PLPPR4: variants seen among roughly 807,000 people sequenced by gnomAD.
PLPPR4 encodes phospholipid phosphatase related 4.
Under a neutral mutation model 56.6 loss-of-function variants are expected in PLPPR4, and 24 were observed. The ratio of observed to expected loss-of-function variants is 0.42; its 90% CI spans 0.31 to 0.60. The LOEUF (loss-of-function observed/expected upper bound fraction) is 0.60. PLPPR4 is among the 20% of genes least tolerant of loss of function. PLPPR4 has a pLI of 0.13. For missense variants in PLPPR4, 654 were observed against 885.8 expected (o/e 0.74, Z 3.32); for synonymous variants, 326 against 328.1 (o/e 0.99, Z 0.07).
At chr1:99,284,780 A>C (rs1328891403) in intron 1 of PLPPR4, among the ~76,000 whole-genome samples, 2 of 152,194 alleles carry the variant, frequency 1.3e-5, no homozygotes, top group Non-Finnish European at 2.9e-5. Context: ...TTCATATGTT[A>C]ATGTGGCATA....
intron 4 of PLPPR4, among the ~76,000 whole-genome samples, chr1:99,300,708 C>G (rs139525998): frequency 5.5e-4 from 83 of 152,174 alleles, no homozygotes; most frequent in African/African-American, 1.9e-3. Context: ...TACATCACTA[C>G]TATTTGTTAA....
At chr1:99,278,745 T>C (rs937716602) in intron 1 of PLPPR4, among the ~76,000 whole-genome samples, 5 of 152,206 alleles carry the variant, frequency 3.3e-5, no homozygotes, top group Non-Finnish European at 7.3e-5. Flanking sequence ...CCACTTATCA[T>C]TATTTTTGAC....
At chr1:99,288,273 C>A in intron 2 of PLPPR4, 123 bp downstream of exon 2, 5 of 787,164 alleles carry the variant, frequency 6.4e-6, no homozygotes, top group South Asian at 2.0e-5. Flanking sequence ...AAAGTCATGT[C>A]TTTGAGATAT....
upstream of PLPPR4, among the ~76,000 whole-genome samples, chr1:99,262,971 G>A (rs1345740933): frequency 1.3e-5 from 2 of 152,168 alleles, no homozygotes; most frequent in Non-Finnish European, 2.9e-5. Flanking sequence ...TGTGTGGTGG[G>A]GGGTGAGGGC....
chr1:99,298,862 G>T, intron 3 of PLPPR4, 173 bp from the exon 4 acceptor site: 1 of 674,902 alleles, frequency 1.5e-6, no homozygotes, highest in East Asian at 2.7e-5. Context: ...CTTTATTTTG[G>T]ACTTAAGTAT....
intron 6 of PLPPR4, among the ~76,000 whole-genome samples, chr1:99,304,844 T>G (rs903217747): frequency 1.1e-4 from 17 of 152,118 alleles, no homozygotes; most frequent in Non-Finnish European, 2.4e-4. Flanking sequence ...ACCAAGTATC[T>G]CAAAAACTGA....
intron 6 of PLPPR4, among the ~76,000 whole-genome samples, chr1:99,302,443 A>C (rs1174423403): frequency 2.0e-5 from 3 of 152,050 alleles, no homozygotes; most frequent in Non-Finnish European, 2.9e-5. Context: ...CATTTATTCA[A>C]TATCTATTCC....
intron 1 of PLPPR4, among the ~76,000 whole-genome samples, chr1:99,274,051 C>A (rs1350699052): frequency 6.6e-6 from 1 of 151,944 alleles, no homozygotes; most frequent in Non-Finnish European, 1.5e-5. Flanking sequence ...ATCACTGAAG[C>A]AAAGAACTTT....
chr1:99,308,790 TC>T lies in PLPPR4; in HGVS notation c.*1782del, dbSNP rs961585329. 2.0e-4 allele frequency: 31 copies of T among 152,720 alleles called. No homozygotes were observed. Among genetic ancestry groups the T allele is most frequent in the African/African-American group, 7.5e-4 (31 of 41,556 alleles). The allele number at this position is 152,720 out of a possible 1,614,324, so 9.5% of individuals were successfully genotyped here. A position where few individuals can be genotyped will look rare whatever the true frequency, so the allele number is the denominator to read the frequency against. Reference sequence around the variant, plus strand: ...CTCAACCATATCCCTTCTGGCAATTTCCTTCTCAGAGAGGGGAGTGGGAATA... The same window carrying T: ...CTCAACCATATCCCTTCTGGCAATTTCTTCTCAGAGAGGGGAGTGGGAATA... On this transcript the variant is annotated 3_prime_UTR_variant, in exon 7 of 7. Coordinates refer to ENST00000370185, the MANE Select transcript of PLPPR4 (RefSeq NM_014839.5).
intron 2 of PLPPR4, among the ~76,000 whole-genome samples, 198 bp downstream of exon 2, chr1:99,288,348 G>C (rs1659525823): frequency 6.6e-6 from 1 of 152,138 alleles, no homozygotes; most frequent in Non-Finnish European, 1.5e-5. Flanking sequence ...AACATTTTAT[G>C]ATTGGAGAAA....
In PLPPR4 at chr1:99,306,632, C is replaced by A; in HGVS notation, c.1770C>A (p.Ser590=). Reference sequence around the variant, plus strand: ...ACAGGCCCATCATACAGATCCCGTCCACTGAAGGTGAAGGCAGTGGCTCCT... The same window carrying A: ...ACAGGCCCATCATACAGATCCCGTCAACTGAAGGTGAAGGCAGTGGCTCCT... ...ENNRPIIQIP[S]TEGEGSGSWK... The change falls in exon 7 of 7, where the codon TCC becomes TCA. Residue 590 remains serine (S), a synonymous_variant. Transcript: ENST00000370185. This position sits in a 1 kb window ranked among gnomAD's most constrained non-coding sequence, Gnocchi z 4.0. 3 of 1,614,128 alleles carry A rather than the reference C, an allele frequency of 1.9e-6. No homozygotes were observed. The South Asian group carries it at 3.3e-5, about 18-fold the overall frequency.
intron 1 of PLPPR4, among the ~76,000 whole-genome samples, chr1:99,267,251 T>C (rs1209383483): frequency 6.6e-6 from 1 of 152,214 alleles, no homozygotes; most frequent in Admixed American, 6.5e-5. Context: ...ATGATAGGTA[T>C]GAGATGTGAA....
Position 99,287,957 on chromosome 1 carries a change from A to C in PLPPR4, c.79-8A>C, listed in dbSNP as rs1266324551. 1.9e-6 allele frequency: 3 copies of C among 1,610,352 alleles called. No homozygotes were observed. In the African/African-American group the frequency reaches 4.0e-5, roughly 22 times the overall value. ...AATAAATTGATCTTCTTTGTCCTTC[A>C]TTCTTAGTTGCCTATATTGGCATCA... On this transcript the variant is annotated splice_region_variant and splice_polypyrimidine_tract_variant and intron_variant, in intron 1 of 6. Coordinates refer to ENST00000370185, the MANE Select transcript of PLPPR4 (RefSeq NM_014839.5).
intron 1 of PLPPR4, among the ~76,000 whole-genome samples, chr1:99,273,948 T>G (rs989793559): frequency 6.6e-6 from 1 of 152,132 alleles, no homozygotes; most frequent in Non-Finnish European, 1.5e-5. Flanking sequence ...CCAAGGTCTA[T>G]ATGAGTCCTC....
chr1:99,293,969 C>G (rs1029899516), intron 2 of PLPPR4, among the ~76,000 whole-genome samples: 7 of 152,004 alleles, frequency 4.6e-5, no homozygotes, highest in African/African-American at 1.7e-4. Flanking sequence ...TTGGGTACAG[C>G]ACAAAACAGA....
At position 99,306,233 on chromosome 1, in the gene PLPPR4, G is replaced by A. The variant is rs148412092; in HGVS notation, c.1371G>A (p.Gln457=). The change falls in exon 7 of 7, where the codon CAG becomes CAA. Residue 457 remains glutamine (Q), a synonymous_variant. Coordinates refer to ENST00000370185, the MANE Select transcript of PLPPR4 (RefSeq NM_014839.5). The surrounding 1 kb of genome is among the most constrained non-coding windows in gnomAD (Gnocchi z 4.0). ...CTGGCAATCAGTACCTCAAAATCCAGCCTGGCGCTGTCCCCGGATGTAACA... is the reference window on the plus strand; with the variant it reads ...CTGGCAATCAGTACCTCAAAATCCAACCTGGCGCTGTCCCCGGATGTAACA... ...HGPGNQYLKI[Q]PGAVPGCNNS... 3 of 1,614,132 alleles carry A rather than the reference G, an allele frequency of 1.9e-6. No homozygotes were observed. In the South Asian group the frequency reaches 3.3e-5, roughly 18 times the overall value.
At chr1:99,283,672 T>G (rs549829371) in intron 1 of PLPPR4, among the ~76,000 whole-genome samples, 1 of 152,190 alleles carries the variant, frequency 6.6e-6, no homozygotes, top group African/African-American at 2.4e-5. Flanking sequence ...TCGGTTTGGC[T>G]GGGCGCGGTG....
intron 1 of PLPPR4, among the ~76,000 whole-genome samples, chr1:99,267,987 G>A (rs1658948306): frequency 1.3e-5 from 2 of 151,018 alleles, no homozygotes; most frequent in African/African-American, 4.9e-5. Context: ...TTTTGAAGAA[G>A]AAACTGAAAC....
At position 99,296,759 on chromosome 1, in the gene PLPPR4, C is replaced by A. The variant is rs868364102; in HGVS notation, c.286C>A (p.Leu96Ile). ...AITIMVGEGI[L>I]YCCLSKRRNG... ...GCAGATTATGGTAGGAGAAGGAATTCTCTACTGTTGCCTCTCCAAAAGAAG... is the reference window on the plus strand; with the variant it reads ...GCAGATTATGGTAGGAGAAGGAATTATCTACTGTTGCCTCTCCAAAAGAAG... The change falls in exon 3 of 7, where the codon CTC (leucine) becomes ATC (isoleucine). Residue 96 changes from leucine (L) to isoleucine (I), a missense_variant. Transcript: ENST00000370185. The A allele has an allele frequency of 6.2e-7, 1 of 1,602,148 alleles. No individual in the cohort carries two copies. The highest frequency in any genetic ancestry group is 8.5e-7 in the Non-Finnish European group (1 of 1,172,198).
Sources: gnomAD v4.1 joint callset for allele counts (sites outside exome capture counted in the v4.1 genomes callset) on GRCh38, gnomAD v4.1.1 for gene constraint, Gnocchi (gnomAD v3.1) non-coding constraint, MANE v1.5 for transcripts, NCBI Gene and HGNC (gene_info 2026-07-23, HGNC 2026-07-21) for gene names.